Variants in FBLN7 observed in about 807,000 individuals in gnomAD.
The protein encoded by FBLN7 is fibulin 7, also known as fibulin-7.
In FBLN7, 31 loss-of-function variants were observed where a neutral mutation model predicts 44.0. The ratio of observed to expected loss-of-function variants is 0.70; its 90% CI spans 0.53 to 0.95. The LOEUF (loss-of-function observed/expected upper bound fraction) is 0.95, where lower values mean the gene tolerates loss of function less well. FBLN7 is among the 40% of genes least tolerant of loss of function. FBLN7 has a pLI of 0.00. For synonymous variants in FBLN7, 262 were observed against 253.4 expected (o/e 1.03, Z -0.32); for missense variants, 573 against 618.5 (o/e 0.93, Z 0.78).
intron 6 of FBLN7, 115 bp downstream of exon 6, chr2:112,183,043 G>A (rs1478003354): frequency 2.8e-6 from 4 of 1,406,828 alleles, no homozygotes; most frequent in Non-Finnish European, 3.8e-6. Context: ...CAGATACATT[G>A]GATTTTTAAA....
the FBLN7 span, among the ~76,000 whole-genome samples, chr2:112,216,695 A>AAT: frequency 3.6e-4 from 55 of 152,090 alleles, no homozygotes; most frequent in South Asian, 0.011. Flanking sequence ...AAAAAAAAAA[A>AAT]AATACAAATA....
At position 112,187,969 on chromosome 2, in the gene FBLN7, AG is replaced by A. The variant is rs552144851; in HGVS notation, c.*464del. ...ATGCCTCTGCGCATGTGGCATAGGA[AG>A]TGGAGTCTCCTCCCATGACCCAGCA... On this transcript the variant is annotated 3_prime_UTR_variant, in exon 8 of 8. Transcript: ENST00000331203. The surrounding 1 kb of genome is among the most constrained non-coding windows in gnomAD (Gnocchi z 5.1). 7.5e-5 allele frequency: 14 copies of A among 187,018 alleles called. No homozygotes were observed. The highest frequency in any genetic ancestry group is 2.3e-3 in the Middle Eastern group (1 of 436). The allele number at this position is 187,018 out of a possible 1,614,324, so 11.6% of individuals were successfully genotyped here. A position where few individuals can be genotyped will look rare whatever the true frequency, so the allele number is the denominator to read the frequency against.
At chr2:112,220,907 T>TG in the FBLN7 span, among the ~76,000 whole-genome samples, 51 of 152,228 alleles carry the variant, frequency 3.4e-4, no homozygotes, top group African/African-American at 1.2e-3. Context: ...ATTTTGACCT[T>TG]GGAGAATCTG....
At chr2:112,148,354 T>C (rs960863639) in intron 1 of FBLN7, among the ~76,000 whole-genome samples, 12 of 152,242 alleles carry the variant, frequency 7.9e-5, no homozygotes, top group Non-Finnish European at 1.8e-4. Flanking sequence ...TTAATACTAA[T>C]GCATGAAGAT....
At position 112,160,043 on chromosome 2, in the gene FBLN7, T is replaced by G. The variant is rs188453854; in HGVS notation, c.235+208T>G. Among the ~76,000 whole-genome samples the G allele has an allele frequency of 5.9e-3, 899 of 152,128 alleles. 14 individuals carry two copies. The highest frequency in any genetic ancestry group is 0.037 in the Middle Eastern group (11 of 294). On this transcript the variant is annotated intron_variant, in intron 2 of 7. Transcript: ENST00000331203. ...TCTCGCTCTGTCGCCCAGGCTGGAG[T>G]GCAGTGGCGCGATCTCGGCTCACTG...
chr2:112,232,084 CAGATCA>C, the FBLN7 span: 1 of 437,590 alleles, frequency 2.3e-6, no homozygotes, highest in South Asian at 5.3e-5. Context: ...CGGAGGTGGG[CAGATCA>C]CTTGAGGCCA....
At chr2:112,233,606 C>T in the FBLN7 span, among the ~76,000 whole-genome samples, 10 of 152,172 alleles carry the variant, frequency 6.6e-5, no homozygotes, top group Non-Finnish European at 1.0e-4. Context: ...CAGTCGCTCA[C>T]GCCTGTAATC....
chr2:112,229,196 G>T, the FBLN7 span, among the ~76,000 whole-genome samples: 1 of 151,924 alleles, frequency 6.6e-6, no homozygotes, highest in Non-Finnish European at 1.5e-5. Flanking sequence ...GGGGGAAAGA[G>T]CAGTCTTTTT....
chr2:112,228,075 T>C, the FBLN7 span, among the ~76,000 whole-genome samples: 2 of 152,242 alleles, frequency 1.3e-5, no homozygotes, highest in Non-Finnish European at 2.9e-5. Flanking sequence ...GACACTGTGA[T>C]AGTGTATAAG....
chr2:112,160,848 G>GCACACA (rs71826516), intron 2 of FBLN7, among the ~76,000 whole-genome samples: 20 of 148,152 alleles, frequency 1.3e-4, no homozygotes, highest in East Asian at 6.0e-4. Flanking sequence ...ACGCACACGC[G>GCACACA]CACACACACA....
At chr2:112,151,092 G>C (rs1287675511) in intron 1 of FBLN7, among the ~76,000 whole-genome samples, 11 of 152,164 alleles carry the variant, frequency 7.2e-5, no homozygotes, top group Admixed American at 6.5e-4. Flanking sequence ...GGCCCAGCCG[G>C]TGCAAAGGCC....
the FBLN7 span, among the ~76,000 whole-genome samples, chr2:112,223,936 A>C: frequency 4.6e-5 from 7 of 152,184 alleles, no homozygotes; most frequent in South Asian, 1.4e-3. Flanking sequence ...TGAGGTCAGG[A>C]GTTTGAGACC....
chr2:112,233,341 C>G, the FBLN7 span: 120 of 1,595,414 alleles, frequency 7.5e-5, 1 homozygote, highest in East Asian at 2.5e-3. Flanking sequence ...TTTTCTATCT[C>G]TGCATCATGA....
chr2:112,235,070 C>A, the FBLN7 span, among the ~76,000 whole-genome samples: 63 of 151,974 alleles, frequency 4.1e-4, no homozygotes, highest in Admixed American at 5.9e-4. Flanking sequence ...GGAAGAAAAT[C>A]TTATAATACA....
chr2:112,165,648 C>T (rs980147348), intron 3 of FBLN7, among the ~76,000 whole-genome samples: 4 of 152,122 alleles, frequency 2.6e-5, no homozygotes, highest in African/African-American at 7.2e-5. Context: ...GTGGCTGCTC[C>T]GTTCTGGGCC....
At chr2:112,180,922 C>CAAAAAAAAAAAA (rs60214148) in intron 4 of FBLN7, among the ~76,000 whole-genome samples, 1 of 74,310 alleles carries the variant, frequency 1.3e-5, no homozygotes, top group Non-Finnish European at 2.4e-5. Flanking sequence ...GACTCTGTCT[C>CAAAAAAAAAAAA]AAAAAAAAAA....
intron 3 of FBLN7, among the ~76,000 whole-genome samples, chr2:112,166,136 TG>T (rs1414385636): frequency 6.6e-6 from 1 of 152,236 alleles, no homozygotes; most frequent in Admixed American, 6.5e-5. Flanking sequence ...CTGCAACCTC[TG>T]CCTCCCGGGT....
At chr2:112,191,926 C>A (rs1683503312), downstream of FBLN7, among the ~76,000 whole-genome samples, 1 of 152,316 alleles carries the variant, frequency 6.6e-6, no homozygotes, top group East Asian at 1.9e-4. Context: ...GTTCCCTCCA[C>A]CCTATTTCCT....
At chr2:112,238,700 A>T in the FBLN7 span, 84 of 445,898 alleles carry the variant, frequency 1.9e-4, no homozygotes, top group Non-Finnish European at 3.0e-4. Flanking sequence ...TTCCAGAATT[A>T]AAAAAAAGAA....
Sources: gnomAD v4.1 joint callset for allele counts (sites outside exome capture counted in the v4.1 genomes callset) on GRCh38, gnomAD v4.1.1 for gene constraint, Gnocchi (gnomAD v3.1) non-coding constraint, MANE v1.5 for transcripts, NCBI Gene and HGNC (gene_info 2026-07-23, HGNC 2026-07-21) for gene names.